PANX1: variants seen among roughly 807,000 people sequenced by gnomAD.
The protein encoded by PANX1 is pannexin 1.
A neutral mutation model predicts 38.7 loss-of-function variants in PANX1; 30 were observed. The ratio of observed to expected loss-of-function variants is 0.78; its 90% CI spans 0.58 to 1.05. The LOEUF is 1.05. Ranked by LOEUF, PANX1 falls within the 50% of genes least tolerant of loss-of-function variation. The probability of loss-of-function intolerance (pLI) is 0.00; values close to 1 mark genes in which losing one functional copy is unlikely to be tolerated. For synonymous variants in PANX1, 230 were observed against 212.2 expected (o/e 1.08, Z -0.73); for missense variants, 551 against 517.2 (o/e 1.07, Z -0.63).
chr11:94,134,498 T>G (rs1946664421), intron 1 of PANX1, among the ~76,000 whole-genome samples: 1 of 152,190 alleles, frequency 6.6e-6, no homozygotes, highest in Admixed American at 6.5e-5. Flanking sequence ...ACCGCAAAAT[T>G]CATATGTCGA....
At chr11:94,132,048 T>C (rs374492117) in intron 1 of PANX1, among the ~76,000 whole-genome samples, 6 of 152,200 alleles carry the variant, frequency 3.9e-5, no homozygotes, top group African/African-American at 1.2e-4. Context: ...GAATACTCTT[T>C]TGTTGAACTT....
chr11:94,171,866 G>A (rs1325235345), intron 2 of PANX1, among the ~76,000 whole-genome samples: 2 of 149,064 alleles, frequency 1.3e-5, no homozygotes, highest in African/African-American at 2.5e-5. Context: ...GGGGTGGGGG[G>A]CACCCAGTAG....
intron 2 of PANX1, among the ~76,000 whole-genome samples, chr11:94,162,169 G>A (rs897949870): frequency 6.6e-6 from 1 of 152,312 alleles, no homozygotes; most frequent in East Asian, 1.9e-4. Flanking sequence ...GGGGGTCAGG[G>A]ACCCACTTGA....
intron 1 of PANX1, among the ~76,000 whole-genome samples, chr11:94,134,688 C>T (rs1946667790): frequency 7.0e-6 from 1 of 143,722 alleles, no homozygotes; most frequent in East Asian, 2.3e-4. Flanking sequence ...CTCCCTCTTT[C>T]CCTCTCTCTC....
At chr11:94,160,345 T>G (rs186275548) in intron 2 of PANX1, among the ~76,000 whole-genome samples, 1 of 152,242 alleles carries the variant, frequency 6.6e-6, no homozygotes, top group East Asian at 1.9e-4. Context: ...TCTCCCATTA[T>G]TATTGTGGGA....
chr11:94,139,009 C>G (rs940701566), intron 1 of PANX1, among the ~76,000 whole-genome samples: 14 of 152,174 alleles, frequency 9.2e-5, no homozygotes, highest in African/African-American at 3.4e-4. Flanking sequence ...TAAGTCAAGA[C>G]TCTAGCTGAT....
chr11:94,142,868 G>T (rs1946779747), intron 1 of PANX1, among the ~76,000 whole-genome samples: 1 of 152,262 alleles, frequency 6.6e-6, no homozygotes, highest in South Asian at 2.1e-4. Flanking sequence ...CCTGGGGAGG[G>T]CGTGCTCCTG....
At chr11:94,157,490 A>G (rs1223280243) in intron 2 of PANX1, among the ~76,000 whole-genome samples, 3 of 152,182 alleles carry the variant, frequency 2.0e-5, no homozygotes, top group Non-Finnish European at 4.4e-5. Context: ...ATGGCCATTG[A>G]TGATGAGCAT....
intron 1 of PANX1, among the ~76,000 whole-genome samples, chr11:94,139,827 C>T (rs530991001): frequency 2.6e-5 from 4 of 152,356 alleles, no homozygotes; most frequent in African/African-American, 7.2e-5. Flanking sequence ...TTCTGAACCT[C>T]GCTCTGTGTA....
At chr11:94,136,220 A>G (rs1319359449) in intron 1 of PANX1, among the ~76,000 whole-genome samples, 1 of 152,020 alleles carries the variant, frequency 6.6e-6, no homozygotes, top group Non-Finnish European at 1.5e-5. Context: ...ACTGCCCTGT[A>G]CACTATCCAG....
At chr11:94,131,971 C>A (rs1169575603) in intron 1 of PANX1, among the ~76,000 whole-genome samples, 1 of 152,198 alleles carries the variant, frequency 6.6e-6, no homozygotes, top group Non-Finnish European at 1.5e-5. Flanking sequence ...GAGATAAGGC[C>A]TGCAGACTTA....
Position 94,178,620 on chromosome 11 carries a change from C to T in PANX1, c.545+28C>T, listed in dbSNP as rs367581441. 8.8e-5 allele frequency: 138 copies of T among 1,567,496 alleles called. No homozygotes were observed. The African/African-American group carries it at 1.4e-3, about 16-fold the overall frequency. ...AACTTAGCCCCAGCAGGCAGCTCAT[C>T]GGGTTTTGTAGGACAAATTCTCTGC... is the stretch of plus-strand genomic sequence containing the variant. On this transcript the variant is annotated intron_variant, in intron 3 of 4. Transcript: ENST00000227638.
intron 1 of PANX1, among the ~76,000 whole-genome samples, chr11:94,143,050 T>G (rs1364891906): frequency 6.6e-6 from 1 of 152,260 alleles, no homozygotes; most frequent in African/African-American, 2.4e-5. Flanking sequence ...TGACCAGTTG[T>G]CTACATAATA....
chr11:94,172,038 C>A (rs1947176200), intron 2 of PANX1, among the ~76,000 whole-genome samples: 1 of 150,532 alleles, frequency 6.6e-6, no homozygotes, highest in African/African-American at 2.5e-5. Flanking sequence ...AAAACAAGAA[C>A]AAAATTAGGA....
At chr11:94,141,595 T>C (rs1311365288) in intron 1 of PANX1, among the ~76,000 whole-genome samples, 2 of 152,224 alleles carry the variant, frequency 1.3e-5, no homozygotes, top group South Asian at 2.1e-4. Context: ...TTTTTTAAGC[T>C]AAAATGTTTT....
intron 1 of PANX1, among the ~76,000 whole-genome samples, chr11:94,136,624 C>A (rs1465570544): frequency 6.6e-6 from 1 of 151,868 alleles, no homozygotes; most frequent in Non-Finnish European, 1.5e-5. Flanking sequence ...AAAAATTAGC[C>A]AGGTGTGGTG....
intron 2 of PANX1, among the ~76,000 whole-genome samples, chr11:94,169,243 G>A (rs1163147842): frequency 6.6e-6 from 1 of 151,552 alleles, no homozygotes; most frequent in Non-Finnish European, 1.5e-5. Flanking sequence ...GAGAGAGGGT[G>A]GGGTAGGACC....
At chr11:94,144,604 G>A (rs1011283060) in intron 1 of PANX1, among the ~76,000 whole-genome samples, 2 of 152,070 alleles carry the variant, frequency 1.3e-5, no homozygotes, top group African/African-American at 4.8e-5. Context: ...CCTAGAGCTC[G>A]GGACCAGGTT....
chr11:94,177,103 A>G (rs1947243605), intron 2 of PANX1, among the ~76,000 whole-genome samples: 1 of 151,374 alleles, frequency 6.6e-6, no homozygotes, highest in Non-Finnish European at 1.5e-5. Context: ...ACTGAGGGTC[A>G]GAGACTTTGA....
Sources: gnomAD v4.1 joint callset for allele counts (sites outside exome capture counted in the v4.1 genomes callset) on GRCh38, gnomAD v4.1.1 for gene constraint, MANE v1.5 for transcripts, NCBI Gene and HGNC (gene_info 2026-07-23, HGNC 2026-07-21) for gene names.